Variants in NFIA observed in about 807,000 individuals in gnomAD.
The protein encoded by NFIA is nuclear factor I A, also known as nuclear factor 1 A-type.
In NFIA, 8 loss-of-function variants were observed where a neutral mutation model predicts 62.8. That is an observed-to-expected ratio of 0.13 (90% CI 0.07 to 0.23). The LOEUF (loss-of-function observed/expected upper bound fraction) is 0.23, where lower values mean the gene tolerates loss of function less well. NFIA is among the 10% of genes least tolerant of loss of function. The pLI is 1.00. For missense variants in NFIA, 410 were observed against 642.1 expected, an observed-to-expected ratio of 0.64 and a Z score of 3.91; for synonymous variants, 235 against 238.1, an observed-to-expected ratio of 0.99 and a Z score of 0.12.
intron 7 of NFIA, among the ~76,000 whole-genome samples, chr1:61,394,115 C>T (rs1420213793): frequency 2.6e-5 from 4 of 152,160 alleles, no homozygotes; most frequent in Admixed American, 2.6e-4. Context: ...GAATGAGGCA[C>T]CTGTGTACAT....
At chr1:61,361,017 A>G (rs950127008) in intron 6 of NFIA, among the ~76,000 whole-genome samples, 4 of 58,038 alleles carry the variant, frequency 6.9e-5, no homozygotes, top group African/African-American at 2.5e-4. Context: ...TGGGAAGGTT[A>G]TGGCCCCTGC....
At chr1:61,334,852 G>A (rs539898050) in intron 4 of NFIA, among the ~76,000 whole-genome samples, 4 of 151,922 alleles carry the variant, frequency 2.6e-5, no homozygotes, top group South Asian at 2.1e-4. Flanking sequence ...ATCACCCCCA[G>A]CCTCTCCTCC....
At chr1:61,082,063 C>T (rs1418314860), upstream of NFIA, 2 of 1,543,166 alleles carry the variant, frequency 1.3e-6, no homozygotes, top group South Asian at 1.2e-5. Flanking sequence ...CGGAGGTCTG[C>T]AGCGGGGGTG....
At chr1:61,299,803 T>G (rs894603775) in intron 3 of NFIA, among the ~76,000 whole-genome samples, 18 of 152,166 alleles carry the variant, frequency 1.2e-4, no homozygotes, top group Non-Finnish European at 7.4e-5. Flanking sequence ...GGATTATTAG[T>G]GAATAGCTAA....
chr1:61,432,202 C>T (rs1372006764), intron 10 of NFIA, among the ~76,000 whole-genome samples: 2 of 143,472 alleles, frequency 1.4e-5, no homozygotes, highest in African/African-American at 5.2e-5. Flanking sequence ...TGATATGGTT[C>T]TTGTACACTT....
At chr1:61,191,995 T>C (rs1398636833) in intron 2 of NFIA, among the ~76,000 whole-genome samples, 7 of 152,110 alleles carry the variant, frequency 4.6e-5, no homozygotes, top group South Asian at 2.1e-4. Context: ...AGTCTTGCTC[T>C]GGTGCCCAGG....
chr1:61,312,885 C>G (rs1176596511), intron 3 of NFIA, among the ~76,000 whole-genome samples: 3 of 152,004 alleles, frequency 2.0e-5, no homozygotes, highest in Admixed American at 6.5e-5. Context: ...AAAATCAAAC[C>G]AAAACAAAAA....
intron 2 of NFIA, among the ~76,000 whole-genome samples, chr1:61,258,167 C>T (rs184814982): frequency 1.3e-5 from 2 of 152,112 alleles, no homozygotes; most frequent in African/African-American, 4.8e-5. Flanking sequence ...TAAAAATAAG[C>T]CATTTTCATA....
chr1:61,235,484 A>AAATAAAT (rs1330165607), intron 2 of NFIA, among the ~76,000 whole-genome samples: 2 of 145,980 alleles, frequency 1.4e-5, no homozygotes, highest in Admixed American at 6.9e-5. Context: ...ATAAATAAAT[A>AAATAAAT]AATAAATAAA....
intron 2 of NFIA, among the ~76,000 whole-genome samples, chr1:61,265,374 T>C (rs1347328841): frequency 6.6e-6 from 1 of 152,224 alleles, no homozygotes; most frequent in Non-Finnish European, 1.5e-5. Context: ...ATAAGTGAAA[T>C]GATTCACTTA....
rs796921172 is a variant in NFIA, at chr1:61,088,984, C to G, written c.559+304C>G. 4.6e-5 allele frequency among the ~76,000 whole-genome samples: 7 copies of G among 152,192 alleles called. No homozygotes were observed. Among genetic ancestry groups the G allele is most frequent in the African/African-American group, 1.7e-4 (7 of 41,520 alleles). On this transcript the variant is annotated intron_variant, in intron 2 of 10. Coordinates refer to ENST00000403491, the MANE Select transcript of NFIA (RefSeq NM_001134673.4). This position sits in a 1 kb window ranked among gnomAD's most constrained non-coding sequence, Gnocchi z 4.5. ...GGATGAGAGAAGCCTCGTGAAAACC[C>G]TTTTAATAAAGAGTATATTTTAACT...
chr1:61,371,202 A>G (rs1042457202), intron 6 of NFIA, among the ~76,000 whole-genome samples: 2 of 152,160 alleles, frequency 1.3e-5, no homozygotes, highest in African/African-American at 4.8e-5. Context: ...TCATGTTCGA[A>G]TGTCAAAATC....
chr1:61,092,045 T>C (rs1330674982), intron 2 of NFIA, among the ~76,000 whole-genome samples: 1 of 152,142 alleles, frequency 6.6e-6, no homozygotes, highest in Non-Finnish European at 1.5e-5. Context: ...TTACCTGCCA[T>C]GGGGTAGAAT....
intron 3 of NFIA, among the ~76,000 whole-genome samples, chr1:61,288,962 G>A (rs1658686773): frequency 6.6e-6 from 1 of 152,086 alleles, no homozygotes; most frequent in South Asian, 2.1e-4. Context: ...AGAGACGAGG[G>A]TCTCACTATG....
At chr1:61,327,782 T>C (rs1439726616) in intron 3 of NFIA, among the ~76,000 whole-genome samples, 1 of 152,220 alleles carries the variant, frequency 6.6e-6, no homozygotes, top group Non-Finnish European at 1.5e-5. Flanking sequence ...AGGTACCAAG[T>C]AGTGGGATTG....
At chr1:61,206,467 C>G (rs867518779) in intron 2 of NFIA, among the ~76,000 whole-genome samples, 65 of 152,192 alleles carry the variant, frequency 4.3e-4, no homozygotes, top group African/African-American at 1.6e-3. Context: ...GGGAAGAAAA[C>G]TGATTGAACT....
At chr1:61,306,378 C>T (rs1057375461) in intron 3 of NFIA, among the ~76,000 whole-genome samples, 9 of 140,918 alleles carry the variant, frequency 6.4e-5, no homozygotes, top group African/African-American at 1.5e-4. Flanking sequence ...TGGGTTCAAG[C>T]GATTCTTGTG....
intron 7 of NFIA, 38 bp from the exon 8 acceptor site, chr1:61,404,066 C>G: frequency 1.2e-6 from 2 of 1,607,210 alleles, no homozygotes; most frequent in Admixed American, 3.4e-5. Context: ...CAAAGCAGGT[C>G]TTTCTTTTCA....
chr1:61,257,865 T>G (rs1656517383), intron 2 of NFIA, among the ~76,000 whole-genome samples: 1 of 144,694 alleles, frequency 6.9e-6, no homozygotes, highest in Non-Finnish European at 1.5e-5. Context: ...TTAGCTGTTT[T>G]TTTTTTTTTT....
Sources: gnomAD v4.1 joint callset for allele counts (sites outside exome capture counted in the v4.1 genomes callset) on GRCh38, gnomAD v4.1.1 for gene constraint, Gnocchi (gnomAD v3.1) non-coding constraint, MANE v1.5 for transcripts, NCBI Gene and HGNC (gene_info 2026-07-23, HGNC 2026-07-21) for gene names.